FBXO8: variants seen among roughly 807,000 people sequenced by gnomAD.
FBXO8 encodes F-box protein 8, also known as F-box only protein 8.
FBXO8 carries 15 observed loss-of-function variants against 33.4 expected under a neutral mutation model. That is an observed-to-expected ratio of 0.45 (90% CI 0.30 to 0.69). The LOEUF is 0.69. Ranked by LOEUF, FBXO8 falls within the 30% of genes least tolerant of loss-of-function variation. The pLI is 0.08. For missense variants in FBXO8, 274 were observed against 380.3 expected (o/e 0.72, Z 2.32); for synonymous variants, 132 against 131.5 (o/e 1.00, Z -0.02).
rs1736629520 is a variant in FBXO8, at chr4:174,263,923, C to A, written c.-8-823G>T. Among the ~76,000 whole-genome samples the A allele has an allele frequency of 2.0e-5, 3 of 152,130 alleles. No individual in the cohort carries two copies. The highest frequency in any genetic ancestry group is 2.0e-4 in the Admixed American group (3 of 15,270). On this transcript the variant is annotated intron_variant, in intron 1 of 5. Transcript: ENST00000393674. The surrounding 1 kb of genome is among the most constrained non-coding windows in gnomAD (Gnocchi z 4.2). ...TCACATATATTGACTTCCTCATGTA[C>A]AAATGTATTAGAAAATTCCTAGAGC...
chr4:174,273,109 G>A (rs1322574220), intron 1 of FBXO8, among the ~76,000 whole-genome samples: 1 of 151,908 alleles, frequency 6.6e-6, no homozygotes, highest in East Asian at 1.9e-4. Context: ...GCAACATAGC[G>A]AGACCCTGTC....
At chr4:174,266,707 C>T (rs2126441288) in intron 1 of FBXO8, among the ~76,000 whole-genome samples, 1 of 152,272 alleles carries the variant, frequency 6.6e-6, no homozygotes, top group Non-Finnish European at 1.5e-5. Context: ...TTCTTACTTA[C>T]AGGACCCTGG....
chr4:174,266,852 C>G (rs1390277803), intron 1 of FBXO8, among the ~76,000 whole-genome samples: 2 of 152,164 alleles, frequency 1.3e-5, no homozygotes, highest in Non-Finnish European at 2.9e-5. Context: ...TCATGGCTAA[C>G]AGTTAACTAA....
rs1442340884 is a variant in FBXO8 at position 174,256,053 on chromosome 4, A to G, written c.456+3646T>C. The G allele has an allele frequency of 2.2e-6, 1 of 455,332 alleles. No individual in the cohort carries two copies. Among genetic ancestry groups the G allele is most frequent in the South Asian group, 1.6e-5 (1 of 64,438 alleles). The allele number at this position is 455,332 out of a possible 1,614,324, so 28.2% of individuals were successfully genotyped here. A position where few individuals can be genotyped will look rare whatever the true frequency, so the allele number is the denominator to read the frequency against. On this transcript the variant is annotated intron_variant, in intron 3 of 5. Coordinates refer to ENST00000393674, the MANE Select transcript of FBXO8 (RefSeq NM_012180.3). The surrounding 1 kb of genome is among the most constrained non-coding windows in gnomAD (Gnocchi z 4.6). ...ACAAACTGTGCAGATGTTCTCCCCC[A>G]CCCCATGAGCCACTGCCAGCAGCTG...
intron 1 of FBXO8, among the ~76,000 whole-genome samples, chr4:174,268,048 ATGT>A (rs1470480811): frequency 6.6e-6 from 1 of 152,196 alleles, no homozygotes; most frequent in African/African-American, 2.4e-5. Flanking sequence ...AGCATAGTCT[ATGT>A]TAGTCTATCT....
intron 4 of FBXO8, among the ~76,000 whole-genome samples, chr4:174,240,136 CAAAAAAAA>C (rs543054382): frequency 2.0e-5 from 1 of 49,410 alleles, no homozygotes; most frequent in South Asian, 6.9e-4. Flanking sequence ...AAAATATTTA[CAAAAAAAA>C]AAAAAAAGAA....
chr4:174,258,224 T>C (rs1736462114), intron 3 of FBXO8, among the ~76,000 whole-genome samples: 1 of 152,170 alleles, frequency 6.6e-6, no homozygotes, highest in Admixed American at 6.5e-5. Flanking sequence ...GACGTTCTTA[T>C]GTTGCCATAT....
chr4:174,266,048 T>C (rs1257531063), intron 1 of FBXO8, among the ~76,000 whole-genome samples: 1 of 152,176 alleles, frequency 6.6e-6, no homozygotes. Flanking sequence ...CAGTCTATTT[T>C]CCTACAGAAT....
chr4:174,250,902 A>G (rs1372982999), intron 3 of FBXO8, among the ~76,000 whole-genome samples: 1 of 152,170 alleles, frequency 6.6e-6, no homozygotes, highest in Non-Finnish European at 1.5e-5. Flanking sequence ...TCTAGAAGTA[A>G]TATCAAGTTT....
At chr4:174,280,239 G>T (rs4695916) in intron 1 of FBXO8, among the ~76,000 whole-genome samples, 5 of 151,792 alleles carry the variant, frequency 3.3e-5, no homozygotes, top group Admixed American at 6.6e-5. Context: ...GGAAAATACA[G>T]TCAACATCAC....
chr4:174,266,615 T>C (rs1347904593), intron 1 of FBXO8, among the ~76,000 whole-genome samples: 1 of 152,140 alleles, frequency 6.6e-6, no homozygotes, highest in Admixed American at 6.5e-5. Flanking sequence ...ATTGTATAAG[T>C]TGTAAAGCAA....
At chr4:174,271,376 G>A (rs1353555603) in intron 1 of FBXO8, among the ~76,000 whole-genome samples, 1 of 151,890 alleles carries the variant, frequency 6.6e-6, no homozygotes, top group Non-Finnish European at 1.5e-5. Context: ...GCAAAACAAT[G>A]AGGATATTAA....
In FBXO8 at chr4:174,251,840, GT is replaced by G. The variant is rs1248853761; in HGVS notation, c.456+7858del. ...GCATTTTAGCTCCTATGGGTAAACAGTTCTTACAGAGGGGGGAGCTACTTAA... is the reference window on the plus strand; with the variant it reads ...GCATTTTAGCTCCTATGGGTAAACAGTCTTACAGAGGGGGGAGCTACTTAA... On this transcript the variant is annotated intron_variant, in intron 3 of 5. Transcript: ENST00000393674. The surrounding 1 kb of genome is among the most constrained non-coding windows in gnomAD (Gnocchi z 4.2). Among the ~76,000 whole-genome samples, 27 of 152,264 alleles carry G rather than the reference GT, an allele frequency of 1.8e-4. No individual in the cohort carries two copies. The highest frequency in any genetic ancestry group is 6.5e-4 in the African/African-American group (27 of 41,564).
rs533892637 is a variant in FBXO8, at chr4:174,261,644, G to A, written c.329+1120C>T. Among the ~76,000 whole-genome samples, 3 of 151,904 alleles carry A rather than the reference G, an allele frequency of 2.0e-5. No homozygotes were observed. The East Asian group carries it at 5.8e-4, about 29-fold the overall frequency. On this transcript the variant is annotated intron_variant, in intron 2 of 5. Transcript: ENST00000393674. This position sits in a 1 kb window ranked among gnomAD's most constrained non-coding sequence, Gnocchi z 4.1. Reference sequence around the variant, plus strand: ...TCCTCTCACGTAGTACTTTCACTATGTCAAACAAATGAGTAAAAGAATAAC... The same window carrying A: ...TCCTCTCACGTAGTACTTTCACTATATCAAACAAATGAGTAAAAGAATAAC...
chr4:174,258,922 A>AATTAAAATAATGCTGCAG (rs1736478120), intron 3 of FBXO8, among the ~76,000 whole-genome samples: 1 of 152,054 alleles, frequency 6.6e-6, no homozygotes, highest in African/African-American at 2.4e-5. Flanking sequence ...AAATTAGGTA[A>AATTAAAATAATGCTGCAG]ATTAAAATAA....
chr4:174,243,207 C>T (rs1736080155), intron 3 of FBXO8, among the ~76,000 whole-genome samples: 2 of 151,384 alleles, frequency 1.3e-5, no homozygotes. Flanking sequence ...TATATCTAAT[C>T]TAACCTCAGT....
At chr4:174,238,772 TAC>T (rs10601617) in intron 5 of FBXO8, among the ~76,000 whole-genome samples, 78,564 of 145,536 alleles carry the variant, frequency 0.54, 21,371 homozygotes, top group East Asian at 0.72. Context: ...TATATATATA[TAC>T]ACACACACAC....
At chr4:174,250,531 G>A (rs1736262064) in intron 3 of FBXO8, among the ~76,000 whole-genome samples, 1 of 152,020 alleles carries the variant, frequency 6.6e-6, no homozygotes, top group African/African-American at 2.4e-5. Context: ...ACAACCAAAA[G>A]AGATTTACAG....
intron 1 of FBXO8, among the ~76,000 whole-genome samples, chr4:174,280,996 G>A (rs1452646882): frequency 2.6e-5 from 4 of 152,054 alleles, no homozygotes; most frequent in Non-Finnish European, 5.9e-5. Context: ...CCATTGAACT[G>A]TACACTTAGA....
Sources: allele counts gnomAD v4.1 joint callset (sites outside exome capture counted in the v4.1 genomes callset), GRCh38; gene constraint gnomAD v4.1.1; non-coding constraint Gnocchi (gnomAD v3.1); transcripts MANE v1.5; gene names NCBI Gene and HGNC (gene_info 2026-07-23, HGNC 2026-07-21).